EGF: variants seen among roughly 807,000 people sequenced by gnomAD.
The protein encoded by EGF is epidermal growth factor.
In EGF, 95 loss-of-function variants were observed where a neutral mutation model predicts 143.8. The ratio of observed to expected loss-of-function variants is 0.66; its 90% CI spans 0.56 to 0.78. EGF has a LOEUF of 0.78. EGF is among the 30% of genes least tolerant of loss of function. EGF has a pLI of 0.00. For missense variants in EGF, 1,320 were observed against 1,470.9 expected (o/e 0.90, Z 1.68); for synonymous variants, 510 against 510.5 (o/e 1.00, Z 0.01).
intron 18 of EGF, among the ~76,000 whole-genome samples, chr4:109,988,947 C>T (rs1750556993): frequency 6.6e-6 from 1 of 152,210 alleles, no homozygotes; most frequent in Non-Finnish European, 1.5e-5. Context: ...AGGCTGTTTA[C>T]TCCTCTGCCT....
Position 109,945,964 on chromosome 4 carries a change from A to G in EGF, c.940+689A>G, listed in dbSNP as rs144678068. On this transcript the variant is annotated intron_variant, in intron 5 of 23. Transcript: ENST00000265171. ...TAAATCTATGTCTTGCGTTTAGGCA[A>G]ATAGAGCTTTTCTGCATCTCTTTCT... is the stretch of plus-strand genomic sequence containing the variant. Among the ~76,000 whole-genome samples the G allele has an allele frequency of 3.3e-5, 5 of 152,306 alleles. No individual in the cohort carries two copies. The East Asian group carries it at 9.7e-4, about 29-fold the overall frequency.
At chr4:109,980,654 TG>T in intron 14 of EGF, 171 bp from the exon 15 acceptor site, 1 of 728,040 alleles carries the variant, frequency 1.4e-6, no homozygotes, top group East Asian at 2.7e-5. Flanking sequence ...TTAGAATCAG[TG>T]GCTCCTTGGG....
chr4:109,971,155 A>T (rs1034779903), intron 11 of EGF, among the ~76,000 whole-genome samples: 3 of 152,142 alleles, frequency 2.0e-5, no homozygotes, highest in African/African-American at 7.2e-5. Context: ...ACCATGTGGA[A>T]CTGTAATTGG....
intron 5 of EGF, among the ~76,000 whole-genome samples, chr4:109,952,954 T>C (rs114910479): frequency 0.016 from 2,395 of 152,340 alleles, 61 homozygotes; most frequent in African/African-American, 0.054. Context: ...AGGCTTTTTC[T>C]TGCCACTTGT....
intron 1 of EGF, among the ~76,000 whole-genome samples, chr4:109,940,515 T>G (rs1187852385): frequency 6.6e-6 from 1 of 152,224 alleles, no homozygotes; most frequent in Non-Finnish European, 1.5e-5. Context: ...CTGAAGGCTC[T>G]GGTCATAGGT....
chr4:109,955,066 G>T (rs1323868988), intron 5 of EGF, among the ~76,000 whole-genome samples: 1 of 152,210 alleles, frequency 6.6e-6, no homozygotes, highest in Non-Finnish European at 1.5e-5. Context: ...AGGCTTTGTT[G>T]ATGAGGTGAG....
intron 11 of EGF, among the ~76,000 whole-genome samples, chr4:109,973,351 G>A (rs892907831): frequency 2.0e-5 from 3 of 152,082 alleles, no homozygotes; most frequent in African/African-American, 7.2e-5. Context: ...CTGTACTTTA[G>A]AACTTGTATA....
At position 109,969,123 on chromosome 4, in the gene EGF, T is replaced by C. The variant is rs1747146786; in HGVS notation, c.1724+4T>C. On this transcript the variant is annotated splice_donor_region_variant and intron_variant, in intron 11 of 23. Transcript: ENST00000265171. ...GATTCTATTGGACAGACAGAGGGTA[T>C]GTTTTCTGCTTCAGTTTTAAGCTGT... 1.2e-6 allele frequency: 2 copies of C among 1,614,008 alleles called. No homozygotes were observed. Among genetic ancestry groups the C allele is most frequent in the African/African-American group, 2.7e-5 (2 of 74,898 alleles).
At chr4:109,991,056 CA>C (rs1292327139) in intron 18 of EGF, among the ~76,000 whole-genome samples, 1 of 152,152 alleles carries the variant, frequency 6.6e-6, no homozygotes, top group East Asian at 1.9e-4. Context: ...GAGGGTTAGT[CA>C]CTGAGGTTTC....
At chr4:109,927,711 G>A (rs1214389456) in intron 1 of EGF, among the ~76,000 whole-genome samples, 1 of 137,522 alleles carries the variant, frequency 7.3e-6, no homozygotes, top group African/African-American at 2.7e-5. Flanking sequence ...GCGACAGAGA[G>A]AGACACCGTC....
chr4:109,944,394 G>C (rs922096795), intron 4 of EGF, among the ~76,000 whole-genome samples: 9 of 152,198 alleles, frequency 5.9e-5, no homozygotes, highest in Non-Finnish European at 7.3e-5. Flanking sequence ...AGCCGATATC[G>C]TGCCACTGCA....
intron 5 of EGF, among the ~76,000 whole-genome samples, chr4:109,952,153 T>C (rs1744042055): frequency 6.6e-6 from 1 of 152,202 alleles, no homozygotes; most frequent in Non-Finnish European, 1.5e-5. Flanking sequence ...AACATTTTTG[T>C]ACACATCTTA....
At chr4:110,003,534 C>T (rs925434839) in intron 21 of EGF, among the ~76,000 whole-genome samples, 2 of 152,148 alleles carry the variant, frequency 1.3e-5, no homozygotes, top group African/African-American at 4.8e-5. Context: ...TATCACTCTT[C>T]CTGGAACGTC....
intron 21 of EGF, chr4:110,004,162 AC>A (rs1752926167): frequency 2.7e-6 from 1 of 372,814 alleles, no homozygotes; most frequent in Admixed American, 3.7e-5. Flanking sequence ...CTCAATAGAT[AC>A]CTGTGAATGA....
chr4:109,988,851 C>A, intron 18 of EGF, 142 bp downstream of exon 18: 1 of 1,273,858 alleles, frequency 7.9e-7, no homozygotes. Context: ...GCGACCTGCT[C>A]AAACTGACGT....
intron 5 of EGF, among the ~76,000 whole-genome samples, chr4:109,956,665 C>T (rs1744841697): frequency 6.6e-6 from 1 of 151,976 alleles, no homozygotes; most frequent in African/African-American, 2.4e-5. Flanking sequence ...TGTAACTATA[C>T]ATGTATAATT....
chr4:109,982,697 G>A (rs11569025), intron 15 of EGF, among the ~76,000 whole-genome samples: 235 of 152,166 alleles, frequency 1.5e-3, no homozygotes, highest in African/African-American at 5.4e-3. Context: ...TACTGGTAGA[G>A]TTTGCTGTCA....
chr4:109,993,511 G>A, intron 19 of EGF, 142 bp downstream of exon 19: 2 of 1,170,672 alleles, frequency 1.7e-6, no homozygotes, highest in Non-Finnish European at 2.4e-6. Flanking sequence ...TTAGGACGAT[G>A]CTGGGCTTGA....
intron 22 of EGF, among the ~76,000 whole-genome samples, chr4:110,007,951 T>C (rs1325035386): frequency 6.6e-6 from 1 of 152,210 alleles, no homozygotes; most frequent in Non-Finnish European, 1.5e-5. Context: ...GCCTAGTTGC[T>C]TTAAGACAAA....
Sources: gnomAD v4.1 joint callset for allele counts (sites outside exome capture counted in the v4.1 genomes callset) on GRCh38, gnomAD v4.1.1 for gene constraint, MANE v1.5 for transcripts, NCBI Gene and HGNC (gene_info 2026-07-23, HGNC 2026-07-21) for gene names.